The following FBXO15 variants were observed in gnomAD, a reference collection of about 807,000 sequenced individuals.
FBXO15 encodes F-box protein 15.
A neutral mutation model predicts 49.5 loss-of-function variants in FBXO15; 30 were observed. The observed-to-expected ratio is 0.61, with a 90% CI of 0.45 to 0.82. The LOEUF is 0.82. FBXO15 is among the 40% of genes least tolerant of loss of function. FBXO15 has a pLI of 0.00. For missense variants in FBXO15, 591 were observed against 631.5 expected (o/e 0.94, Z 0.69); for synonymous variants, 250 against 232.7 (o/e 1.07, Z -0.68).
intron 7 of FBXO15, among the ~76,000 whole-genome samples, chr18:74,124,063 C>G (rs962790476): frequency 2.6e-5 from 4 of 151,962 alleles, no homozygotes; most frequent in African/African-American, 4.8e-5. Flanking sequence ...AAATGGGAAG[C>G]CTGTGCGCCA....
intron 8 of FBXO15, among the ~76,000 whole-genome samples, chr18:74,087,589 G>C (rs1912801259): frequency 6.6e-6 from 1 of 152,168 alleles, no homozygotes; most frequent in African/African-American, 2.4e-5. Flanking sequence ...TGGTATACAA[G>C]TACCACATTT....
At chr18:74,078,890 G>A (rs908484951) in intron 9 of FBXO15, among the ~76,000 whole-genome samples, 4 of 152,086 alleles carry the variant, frequency 2.6e-5, no homozygotes, top group East Asian at 3.9e-4. Context: ...TGCGATTTTC[G>A]GTTGTATCAG....
chr18:74,141,342 G>T (rs1397571627), intron 1 of FBXO15, among the ~76,000 whole-genome samples: 2 of 152,188 alleles, frequency 1.3e-5, no homozygotes, highest in Non-Finnish European at 2.9e-5. Flanking sequence ...GAAAGGTTTG[G>T]AAGCTTCTGC....
chr18:74,103,514 A>C (rs1030182715), intron 8 of FBXO15, among the ~76,000 whole-genome samples: 5 of 151,930 alleles, frequency 3.3e-5, no homozygotes, highest in African/African-American at 1.2e-4. Context: ...TCCAGGTACA[A>C]GAATACTAGA....
At chr18:74,108,605 A>C (rs143835515) in intron 8 of FBXO15, among the ~76,000 whole-genome samples, 1 of 152,174 alleles carries the variant, frequency 6.6e-6, no homozygotes, top group Non-Finnish European at 1.5e-5. Context: ...AAATACCATA[A>C]TAAGAAGAAA....
At chr18:74,091,114 C>G (rs138708431) in intron 8 of FBXO15, among the ~76,000 whole-genome samples, 1 of 152,096 alleles carries the variant, frequency 6.6e-6, no homozygotes, top group Non-Finnish European at 1.5e-5. Context: ...GTTAGTTCTT[C>G]GTGTTGAATT....
intron 9 of FBXO15, among the ~76,000 whole-genome samples, chr18:74,079,354 A>G (rs950698046): frequency 1.3e-5 from 2 of 152,320 alleles, no homozygotes; most frequent in African/African-American, 4.8e-5. Context: ...GTAAAATAGC[A>G]TGGTAACCAC....
rs756690523 is a variant in FBXO15, at chr18:74,073,544, C to G, written c.1450G>C (p.Glu484Gln). ...TTGACAATAAGGTATTCTTCGGTCTCTCTGATCCACACCAGCTCCACGTGC... is the reference window on the plus strand; with the variant it reads ...TTGACAATAAGGTATTCTTCGGTCTGTCTGATCCACACCAGCTCCACGTGC... ...RVHVELVWIR[E>Q]TEEYLIVNLV... Residue 484 changes from glutamate to glutamine, a missense_variant, in exon 10 of 10, where the codon GAG (glutamate) becomes CAG (glutamine). Coordinates refer to ENST00000419743, the MANE Select transcript of FBXO15 (RefSeq NM_001142958.2). The G allele has an allele frequency of 1.2e-6, 2 of 1,614,224 alleles. No homozygotes were observed. The highest frequency in any genetic ancestry group is 3.3e-5 in the Admixed American group (2 of 60,032).
intron 1 of FBXO15, among the ~76,000 whole-genome samples, chr18:74,143,812 C>T (rs1979235227): frequency 6.6e-6 from 1 of 152,184 alleles, no homozygotes; most frequent in African/African-American, 2.4e-5. Context: ...TGAGACCTTC[C>T]TTGGCTGTTA....
At chr18:74,110,348 G>C (rs1913967035) in intron 8 of FBXO15, among the ~76,000 whole-genome samples, 1 of 151,766 alleles carries the variant, frequency 6.6e-6, no homozygotes, top group South Asian at 2.1e-4. Context: ...AACTGGATTT[G>C]TGGTAAATAT....
At chr18:74,140,181 C>A (rs1002432233) in intron 2 of FBXO15, 21 bp downstream of exon 2, 4 of 1,542,802 alleles carry the variant, frequency 2.6e-6, no homozygotes, top group Non-Finnish European at 3.5e-6. Flanking sequence ...CCAAAAGTGA[C>A]AGTCTACTTC....
intron 8 of FBXO15, among the ~76,000 whole-genome samples, chr18:74,083,623 A>T (rs907622259): frequency 2.6e-5 from 4 of 152,216 alleles, no homozygotes; most frequent in Non-Finnish European, 5.9e-5. Flanking sequence ...CAACTGCCTG[A>T]GCTAATAAAC....
chr18:74,100,437 G>A (rs899690710), intron 8 of FBXO15, among the ~76,000 whole-genome samples: 2 of 152,088 alleles, frequency 1.3e-5, no homozygotes, highest in Non-Finnish European at 2.9e-5. Context: ...AAAGTTCATA[G>A]CCCTAAATCC....
At chr18:74,130,355 G>C in intron 4 of FBXO15, 61 bp downstream of exon 4, 2 of 1,594,138 alleles carry the variant, frequency 1.3e-6, no homozygotes. Flanking sequence ...CTGCACATAC[G>C]TCCTACGTAC....
intron 8 of FBXO15, among the ~76,000 whole-genome samples, chr18:74,111,940 T>G (rs78026698): frequency 0.044 from 6,715 of 152,240 alleles, 201 homozygotes; most frequent in East Asian, 0.12. Flanking sequence ...ATAATCTAGA[T>G]GAAATGGACC....
intron 8 of FBXO15, chr18:74,097,433 G>A (rs1029879965): frequency 1.3e-4 from 20 of 152,896 alleles, no homozygotes; most frequent in African/African-American, 4.6e-4. Context: ...TGCGGTGGAA[G>A]TGAGATCAGC....
chr18:74,089,653 T>A (rs1912929223), intron 8 of FBXO15, among the ~76,000 whole-genome samples: 2 of 152,202 alleles, frequency 1.3e-5, no homozygotes, highest in Admixed American at 1.3e-4. Context: ...TATCAAAAGC[T>A]TTTTCTGCAT....
intron 8 of FBXO15, chr18:74,122,709 T>G (rs181134512): frequency 6.6e-6 from 1 of 152,350 alleles, no homozygotes; most frequent in East Asian, 1.9e-4. Flanking sequence ...CTCAATATAA[T>G]GCAAAATGAA....
At chr18:74,136,432 A>G (rs942530205) in intron 2 of FBXO15, among the ~76,000 whole-genome samples, 1 of 152,224 alleles carries the variant, frequency 6.6e-6, no homozygotes, top group African/African-American at 2.4e-5. Flanking sequence ...AGATAAAAAG[A>G]GAATCAGAGA....
Sources: gnomAD v4.1 joint callset for allele counts (sites outside exome capture counted in the v4.1 genomes callset) on GRCh38, gnomAD v4.1.1 for gene constraint, MANE v1.5 for transcripts, NCBI Gene and HGNC (gene_info 2026-07-23, HGNC 2026-07-21) for gene names.